Variants in CORO2B observed in about 807,000 individuals in gnomAD.
CORO2B encodes coronin-2B.
CORO2B carries 26 observed loss-of-function variants against 58.8 expected under a neutral mutation model. That is an observed-to-expected ratio of 0.44 (90% confidence interval 0.32 to 0.61). The LOEUF is 0.61. CORO2B is among the 20% of genes least tolerant of loss of function. The probability of loss-of-function intolerance (pLI) is 0.04; values close to 1 mark genes in which losing one functional copy is unlikely to be tolerated. For missense variants in CORO2B, 460 were observed against 645.1 expected, an observed-to-expected ratio of 0.71 and a Z score of 3.11; for synonymous variants, 242 against 253.8, an observed-to-expected ratio of 0.95 and a Z score of 0.44.
At chr15:68,719,673 T>C in intron 11 of CORO2B, 121 bp downstream of exon 11, 2 of 1,145,260 alleles carry the variant, frequency 1.7e-6, no homozygotes, top group East Asian at 2.5e-5. Flanking sequence ...CTGTGACAAA[T>C]GCCATAAGTA....
rs555397972 is a variant in CORO2B, at chr15:68,610,932, C to T, written c.15+31655C>T. ...GGTAGCACCTTCCATTCCACACCCTCGACGCAGCCAAGGAAAGAATCCCAG... is the reference window on the plus strand; with the variant it reads ...GGTAGCACCTTCCATTCCACACCCTTGACGCAGCCAAGGAAAGAATCCCAG... On this transcript the variant is annotated intron_variant, in intron 1 of 11. Coordinates refer to ENST00000261861, the MANE Select transcript of CORO2B (RefSeq NM_006091.5). Among the ~76,000 whole-genome samples the T allele has an allele frequency of 3.3e-5, 5 of 152,292 alleles. No individual in the cohort carries two copies. In the South Asian group the frequency reaches 8.3e-4, roughly 25 times the overall value.
chr15:68,641,432 G>A (rs1322809882), intron 1 of CORO2B: 5 of 702,580 alleles, frequency 7.1e-6, no homozygotes, highest in Non-Finnish European at 7.0e-6. Context: ...GGGAGCTGGG[G>A]ATTTGGGGGA....
intron 2 of CORO2B, among the ~76,000 whole-genome samples, chr15:68,688,748 C>T (rs1427764879): frequency 5.3e-5 from 8 of 152,166 alleles, no homozygotes; most frequent in Admixed American, 4.6e-4. Context: ...TGATAAATAA[C>T]ATGGCAGTGA....
chr15:68,554,083 C>A, the CORO2B span, among the ~76,000 whole-genome samples: 21 of 152,118 alleles, frequency 1.4e-4, no homozygotes, highest in Non-Finnish European at 1.5e-5. Flanking sequence ...GTTGGAGAGG[C>A]GGTGACAGGG....
At chr15:68,663,727 A>G (rs1228478082) in intron 2 of CORO2B, among the ~76,000 whole-genome samples, 1 of 151,980 alleles carries the variant, frequency 6.6e-6, no homozygotes, top group Non-Finnish European at 1.5e-5. Context: ...TAAAAATGAG[A>G]AAAAAAAGTG....
At chr15:68,536,438 C>T in the CORO2B span, among the ~76,000 whole-genome samples, 1 of 152,160 alleles carries the variant, frequency 6.6e-6, no homozygotes, top group Non-Finnish European at 1.5e-5. Flanking sequence ...ATTCTAGAAC[C>T]TTAGCCAATG....
chr15:68,564,439 G>C, the CORO2B span, among the ~76,000 whole-genome samples: 1 of 152,038 alleles, frequency 6.6e-6, no homozygotes, highest in African/African-American at 2.4e-5. Context: ...GAGTAGCTGG[G>C]ACTACAGGAG....
chr15:68,570,343 A>G, the CORO2B span, among the ~76,000 whole-genome samples: 3 of 152,216 alleles, frequency 2.0e-5, no homozygotes, highest in Admixed American at 2.0e-4. Flanking sequence ...TGCACCATCT[A>G]TCTGCATAAG....
intron 2 of CORO2B, among the ~76,000 whole-genome samples, chr15:68,673,486 C>T (rs1450480219): frequency 6.6e-6 from 1 of 152,144 alleles, no homozygotes; most frequent in African/African-American, 2.4e-5. Context: ...CCACTGTACT[C>T]TGGCCTGGGC....
At chr15:68,637,381 C>T (rs781495628) in intron 1 of CORO2B, among the ~76,000 whole-genome samples, 11 of 152,190 alleles carry the variant, frequency 7.2e-5, no homozygotes, top group Non-Finnish European at 1.5e-4. Context: ...CCACCTTTCC[C>T]GGGTGGAGGG....
At chr15:68,551,980 CTG>C in the CORO2B span, among the ~76,000 whole-genome samples, 1 of 152,006 alleles carries the variant, frequency 6.6e-6, no homozygotes, top group Non-Finnish European at 1.5e-5. Flanking sequence ...CGGGGGAGAC[CTG>C]GCAGGGAGCA....
chr15:68,601,577 G>T (rs1314096023), intron 1 of CORO2B, among the ~76,000 whole-genome samples: 1 of 152,228 alleles, frequency 6.6e-6, no homozygotes, highest in African/African-American at 2.4e-5. Flanking sequence ...CAGTGTCGGG[G>T]CATCAGAAGG....
intron 1 of CORO2B, among the ~76,000 whole-genome samples, chr15:68,608,179 T>C (rs904097125): frequency 1.3e-5 from 2 of 152,192 alleles, no homozygotes; most frequent in African/African-American, 4.8e-5. Context: ...AAACCAGACA[T>C]GGGGGGCCTG....
intron 1 of CORO2B, among the ~76,000 whole-genome samples, chr15:68,587,366 G>A (rs1395555478): frequency 1.3e-5 from 2 of 152,164 alleles, no homozygotes; most frequent in Non-Finnish European, 1.5e-5. Context: ...TGCCCAGAGC[G>A]GTGGTGTGTG....
intron 1 of CORO2B, among the ~76,000 whole-genome samples, chr15:68,642,507 A>G (rs1029150181): frequency 6.6e-6 from 1 of 152,132 alleles, no homozygotes; most frequent in African/African-American, 2.4e-5. Flanking sequence ...TTCTGGTGTC[A>G]TCTGTCTCCC....
At chr15:68,719,591 G>T (rs780665538) in intron 11 of CORO2B, 39 bp downstream of exon 11, 2 of 1,583,004 alleles carry the variant, frequency 1.3e-6, no homozygotes, top group African/African-American at 1.4e-5. Context: ...GGCCCTGGAA[G>T]AGCAAGACCT....
chr15:68,620,158 C>T (rs745585535), intron 1 of CORO2B, among the ~76,000 whole-genome samples: 4 of 152,246 alleles, frequency 2.6e-5, no homozygotes, highest in Non-Finnish European at 4.4e-5. Flanking sequence ...ATGATCCACC[C>T]GCCTTGGCCT....
At chr15:68,694,271 A>C (rs1359873807) in intron 2 of CORO2B, among the ~76,000 whole-genome samples, 1 of 152,236 alleles carries the variant, frequency 6.6e-6, no homozygotes, top group East Asian at 1.9e-4. Flanking sequence ...GCTGTCATAT[A>C]TTGAGCATTT....
chr15:68,567,260 G>A, the CORO2B span, among the ~76,000 whole-genome samples: 1 of 152,124 alleles, frequency 6.6e-6, no homozygotes, highest in South Asian at 2.1e-4. Context: ...CACATAAATT[G>A]TATTAGTTTT....
Sources: gnomAD v4.1 joint callset for allele counts (sites outside exome capture counted in the v4.1 genomes callset) on GRCh38, gnomAD v4.1.1 for gene constraint, MANE v1.5 for transcripts, NCBI Gene and HGNC (gene_info 2026-07-23, HGNC 2026-07-21) for gene names.